The following TET2 variants were observed in gnomAD, a reference collection of about 807,000 sequenced individuals.
TET2 encodes the protein methylcytosine dioxygenase TET2.
Under a neutral mutation model 142.9 loss-of-function variants are expected in TET2, and 299 were observed. The observed-to-expected ratio is 2.09, with a 90% CI of 1.90 to 2.30. The LOEUF (loss-of-function observed/expected upper bound fraction) is 2.30. Ranked by LOEUF, TET2 falls within the 30% of genes most tolerant of loss-of-function variation. The probability of loss-of-function intolerance (pLI) is 0.00; values close to 1 mark genes in which losing one functional copy is unlikely to be tolerated. For missense variants in TET2, 2,418 were observed against 2,378.0 expected, an observed-to-expected ratio of 1.02 and a Z score of -0.35; for synonymous variants, 819 against 849.0, an observed-to-expected ratio of 0.96 and a Z score of 0.61.
At chr4:105,241,746 A>T in intron 4 of TET2, 1 of 1,253,582 alleles carries the variant, frequency 8.0e-7, no homozygotes. Context: ...GAGAGGTCCC[A>T]CTCTGGCTTT....
chr4:105,234,589 C>G lies in TET2; in HGVS notation c.647C>G (p.Ser216Cys), dbSNP rs1445425331. Residue 216 changes from serine (S) to cysteine (C), a missense_variant, in exon 3 of 11, where the codon TCT (serine) becomes TGT (cysteine). By Grantham distance (112) the Ser-to-Cys change is moderately radical (BLOSUM62 -1). Transcript: ENST00000380013. ...CCTAATGGTGCTACAGTTTCTGCCT[C>G]TTCCGTGGAACACACACATGGTGAA... is the stretch of plus-strand genomic sequence containing the variant. ...LMPNGATVSA[S>C]SVEHTHGELL... 1.2e-6 allele frequency: 2 copies of G among 1,614,132 alleles called. No individual in the cohort carries two copies. The highest frequency in any genetic ancestry group is 1.7e-6 in the Non-Finnish European group (2 of 1,180,012).
chr4:105,178,742 T>A (rs1724951452), intron 1 of TET2, among the ~76,000 whole-genome samples: 1 of 152,054 alleles, frequency 6.6e-6, no homozygotes, highest in African/African-American at 2.4e-5. Flanking sequence ...TGTTAAAAAA[T>A]TTAATGCACA....
chr4:105,253,562 T>C (rs1729976129), intron 6 of TET2, among the ~76,000 whole-genome samples: 1 of 150,090 alleles, frequency 6.7e-6, no homozygotes. Flanking sequence ...TTTTTTTTGG[T>C]CATTCTTTCA....
chr4:105,203,148 A>G (rs944282730), intron 2 of TET2, among the ~76,000 whole-genome samples: 2 of 152,228 alleles, frequency 1.3e-5, no homozygotes, highest in Non-Finnish European at 2.9e-5. Flanking sequence ...GAGAGTTGGA[A>G]AGGGCTATCA....
chr4:105,163,885 G>GTT (rs1724017024), intron 1 of TET2, among the ~76,000 whole-genome samples: 2 of 151,694 alleles, frequency 1.3e-5, no homozygotes, highest in African/African-American at 2.4e-5. Flanking sequence ...GTGTGTGTGT[G>GTT]TGTTCCAGCT....
intron 10 of TET2, among the ~76,000 whole-genome samples, chr4:105,273,396 G>A (rs776714790): frequency 7.2e-5 from 11 of 152,110 alleles, no homozygotes; most frequent in East Asian, 1.9e-4. Flanking sequence ...TAAGTGATAC[G>A]ATGAAATTCA....
rs1333606961 is a variant in TET2, at chr4:105,259,762, CA to C, written c.3951del (p.Glu1318ArgfsTer45). On this transcript the variant is annotated frameshift_variant, in exon 7 of 11. Transcript: ENST00000380013. LOFTEE classifies it high-confidence loss of function. Reference protein sequence around the residue: ...PRKFKLLGDDPKEEEKLESHL... With the variant: ...PRKFKLLGDDXKEEEKLESHL... ...AAGTTTAAGCTGCTTGGGGATGACC[CA>C]AAAGAGGTTTGTTTACTTCCTGATG... 1.3e-6 allele frequency: 2 copies of C among 1,550,040 alleles called. No homozygotes were observed. The highest frequency in any genetic ancestry group is 1.7e-6 in the Non-Finnish European group (2 of 1,146,164).
intron 1 of TET2, among the ~76,000 whole-genome samples, chr4:105,188,127 A>G (rs1020040977): frequency 6.6e-6 from 1 of 152,236 alleles, no homozygotes; most frequent in African/African-American, 2.4e-5. Flanking sequence ...AAATGCCTAC[A>G]GATGGATGAA....
chr4:105,204,230 T>A lies in TET2; in HGVS notation c.-47+13725T>A, dbSNP rs1291513737. ...AAAAACAAACCAAAAAAAAAAAAAA[T>A]ATATACACACACACACACACACACA... On this transcript the variant is annotated intron_variant, in intron 2 of 10. Coordinates refer to ENST00000380013, the MANE Select transcript of TET2 (RefSeq NM_001127208.3). Among the ~76,000 whole-genome samples, 651 of 100,462 alleles carry A rather than the reference T, an allele frequency of 6.5e-3. 5 individuals are homozygous for A. Among genetic ancestry groups the A allele is most frequent in the Middle Eastern group, 0.015 (3 of 206 alleles). 65.9% of individuals were successfully genotyped at this position (100,462 alleles called of 152,430 possible). A position where few individuals can be genotyped will look rare whatever the true frequency, so the allele number is the denominator to read the frequency against.
intron 2 of TET2, among the ~76,000 whole-genome samples, chr4:105,210,238 T>C (rs1474357678): frequency 1.3e-5 from 2 of 152,130 alleles, no homozygotes; most frequent in Non-Finnish European, 2.9e-5. Context: ...AGATCTGAGA[T>C]TGAATTGCTA....
intron 1 of TET2, among the ~76,000 whole-genome samples, chr4:105,188,723 A>T (rs1725607958): frequency 6.6e-6 from 1 of 152,202 alleles, no homozygotes. Flanking sequence ...CCTTAAAAAC[A>T]TTACACTAAG....
intron 3 of TET2, 49 bp from the exon 4 acceptor site, chr4:105,241,290 A>G: frequency 6.7e-7 from 1 of 1,501,452 alleles, no homozygotes; most frequent in Non-Finnish European, 8.9e-7. Context: ...TAGCCTTTAT[A>G]TTTAGTATAA....
At chr4:105,264,827 A>G (rs996992900) in intron 8 of TET2, among the ~76,000 whole-genome samples, 3 of 152,144 alleles carry the variant, frequency 2.0e-5, no homozygotes. Flanking sequence ...CATAAAACCT[A>G]CTATTTGATC....
chr4:105,247,633 G>C (rs1445127999), intron 6 of TET2, among the ~76,000 whole-genome samples: 1 of 87,932 alleles, frequency 1.1e-5, no homozygotes, highest in Non-Finnish European at 2.2e-5. Context: ...ATTTCATCTT[G>C]GTTCTTTTGT....
intron 1 of TET2, among the ~76,000 whole-genome samples, chr4:105,179,756 AG>A (rs1411065272): frequency 6.6e-6 from 1 of 152,160 alleles, no homozygotes; most frequent in East Asian, 1.9e-4. Flanking sequence ...AAACCACTAG[AG>A]TATTAAGTCA....
At chr4:105,198,698 C>A (rs1038746759) in intron 2 of TET2, among the ~76,000 whole-genome samples, 4 of 152,136 alleles carry the variant, frequency 2.6e-5, no homozygotes, top group African/African-American at 9.7e-5. Flanking sequence ...AATGAACATT[C>A]CCTTTCCATA....
intron 6 of TET2, among the ~76,000 whole-genome samples, chr4:105,259,395 G>T (rs1371904868): frequency 3.3e-5 from 5 of 152,062 alleles, no homozygotes. Flanking sequence ...TTTTCCATTT[G>T]TAAACTGTAA....
chr4:105,145,982 G>GA (rs1285071953), upstream of TET2: 1 of 152,176 alleles, frequency 6.6e-6, no homozygotes, highest in Non-Finnish European at 1.5e-5. Context: ...TGCCCTCGGT[G>GA]AAACAGGGGA....
chr4:105,264,306 GTT>G (rs1280616348), intron 8 of TET2, among the ~76,000 whole-genome samples: 1 of 152,080 alleles, frequency 6.6e-6, no homozygotes, highest in Non-Finnish European at 1.5e-5. Context: ...TGTCGTAAAA[GTT>G]TAATTCTCAG....
Sources: gnomAD v4.1 joint callset for allele counts (sites outside exome capture counted in the v4.1 genomes callset) on GRCh38, gnomAD v4.1.1 for gene constraint, MANE v1.5 for transcripts, NCBI Gene and HGNC (gene_info 2026-07-23, HGNC 2026-07-21) for gene names.